Variants in MLXIPL observed in about 807,000 individuals in gnomAD.
MLXIPL encodes the protein carbohydrate-responsive element-binding protein.
Under a neutral mutation model 81.5 loss-of-function variants are expected in MLXIPL, and 49 were observed. The ratio of observed to expected loss-of-function variants is 0.60; its 90% CI spans 0.48 to 0.76. The LOEUF (loss-of-function observed/expected upper bound fraction) is 0.76, where lower values mean the gene tolerates loss of function less well. MLXIPL is among the 30% of genes least tolerant of loss of function. The pLI, the probability that MLXIPL is intolerant of heterozygous loss-of-function variation, is 0.00. For missense variants in MLXIPL, 1,053 were observed against 1,167.0 expected (o/e 0.90, Z 1.42); for synonymous variants, 466 against 485.5 (o/e 0.96, Z 0.53).
At chr7:73,621,679 A>ATCTCCCTCCCTCCCTCCC (rs1554602166) in intron 1 of MLXIPL, among the ~76,000 whole-genome samples, 11 of 114,838 alleles carry the variant, frequency 9.6e-5, no homozygotes, top group Admixed American at 1.7e-4. Flanking sequence ...ATCTCCCTCC[A>ATCTCCCTCCCTCCCTCCC]TCTCCCTCCC....
the MLXIPL span, among the ~76,000 whole-genome samples, chr7:73,630,901 A>G: frequency 6.6e-6 from 1 of 152,216 alleles, no homozygotes; most frequent in East Asian, 1.9e-4. Flanking sequence ...CCAAAACACA[A>G]GACTATTCGT....
intron 1 of MLXIPL, among the ~76,000 whole-genome samples, chr7:73,622,319 C>T (rs1233455852): frequency 6.6e-6 from 1 of 151,862 alleles, no homozygotes; most frequent in Non-Finnish European, 1.5e-5. Context: ...GGTGAAATCT[C>T]GTCTCTACTA....
intron 1 of MLXIPL, among the ~76,000 whole-genome samples, chr7:73,616,861 A>AG (rs1256384634): frequency 6.6e-6 from 1 of 151,718 alleles, no homozygotes; most frequent in African/African-American, 2.4e-5. Flanking sequence ...AAAAAAAAAA[A>AG]AAAAAAAAAG....
At position 73,596,696 on chromosome 7, in the gene MLXIPL, G is replaced by A. The variant is rs1794341644; in HGVS notation, c.1765C>T (p.Pro589Ser). 13 of 1,589,204 alleles carry A rather than the reference G, an allele frequency of 8.2e-6. No homozygotes were observed. The highest frequency in any genetic ancestry group is 1.3e-5 in the African/African-American group (1 of 74,688). Residue 589 changes from proline (P) to serine (S), a missense_variant, in exon 11 of 17, where the codon CCT (proline) becomes TCT (serine). Transcript: ENST00000313375. This position sits in a 1 kb window ranked among gnomAD's most constrained non-coding sequence, Gnocchi z 4.7. ...RPPPGPATLA[P>S]SRPLLVPKAE... ...TTGGGGACAAGCAGGGGCCTGGAAG[G>A]GGCCAATGTGGCCGGGCCTGGAGGT...
rs1554592729 is a variant in MLXIPL, at chr7:73,593,933, C to T, written c.2491G>A (p.Asp831Asn). ...QLGTSTSILT[D>N]PGRIPEQATR... ...GCTTGCTCAGGGATGCGGCCCGGGT[C>T]GGTCAGGATACTGGTAGATGTGCCC... is the stretch of plus-strand genomic sequence containing the variant. The change falls in exon 17 of 17, where the codon GAC becomes AAC. Residue 831 changes from aspartate (D) to asparagine (N), a missense_variant. By Grantham distance (23) the Asp-to-Asn change is conservative (BLOSUM62 1). Around this residue, in one of 3 missense-constraint regions of MLXIPL, gnomAD observed 823 missense variants for 933.0 expected, o/e 0.88. Coordinates refer to ENST00000313375, the MANE Select transcript of MLXIPL (RefSeq NM_032951.3). The T allele has an allele frequency of 2.7e-5, 43 of 1,613,936 alleles. No homozygotes were observed. Among genetic ancestry groups the T allele is most frequent in the African/African-American group, 5.3e-5 (4 of 74,886 alleles).
Position 73,623,255 on chromosome 7 carries a change from C to A in MLXIPL, c.293+945G>T, listed in dbSNP as rs1284617047. Among the ~76,000 whole-genome samples, 1 of 152,222 alleles carries A rather than the reference C, an allele frequency of 6.6e-6. No homozygotes were observed. The highest frequency in any genetic ancestry group is 1.5e-5 in the Non-Finnish European group (1 of 68,040). On this transcript the variant is annotated intron_variant, in intron 1 of 16. Transcript: ENST00000313375. The surrounding 1 kb of genome is among the most constrained non-coding windows in gnomAD (Gnocchi z 5.7). ...CGGTTCTCAGAAGGGGAGGAGGCGC[C>A]GCGGAGGAAGAGGAATATTTGCACA...
chr7:73,643,315 CCAGCCTGACTAA>C, the MLXIPL span, among the ~76,000 whole-genome samples: 22 of 152,100 alleles, frequency 1.4e-4, no homozygotes, highest in African/African-American at 4.8e-4. Context: ...GAGATCGAGA[CCAGCCTGACTAA>C]CACAGTGAAA....
At chr7:73,602,665 G>A (rs1794976117) in intron 7 of MLXIPL, among the ~76,000 whole-genome samples, 2 of 151,944 alleles carry the variant, frequency 1.3e-5, no homozygotes, top group Non-Finnish European at 1.5e-5. Context: ...GGGCAACAGA[G>A]CAAGATTCCA....
chr7:73,628,211 T>C (rs1157044867), upstream of MLXIPL, among the ~76,000 whole-genome samples: 2 of 151,992 alleles, frequency 1.3e-5, no homozygotes, highest in Non-Finnish European at 2.9e-5. Flanking sequence ...GCTCTCCCCA[T>C]GCTCTGAAAA....
At chr7:73,637,825 C>T in the MLXIPL span, among the ~76,000 whole-genome samples, 2 of 152,172 alleles carry the variant, frequency 1.3e-5, no homozygotes, top group Non-Finnish European at 2.9e-5. Flanking sequence ...GAATGTCAGG[C>T]AGGGTGAGAG....
intron 1 of MLXIPL, among the ~76,000 whole-genome samples, chr7:73,617,210 G>A (rs1433585225): frequency 6.6e-6 from 1 of 151,996 alleles, no homozygotes; most frequent in Non-Finnish European, 1.5e-5. Flanking sequence ...GTAAAGACGG[G>A]GTTTCACCAT....
At chr7:73,627,832 C>T (rs1382832809), upstream of MLXIPL, among the ~76,000 whole-genome samples, 2 of 151,944 alleles carry the variant, frequency 1.3e-5, no homozygotes, top group African/African-American at 2.4e-5. Flanking sequence ...CTCCTGGCTC[C>T]GGGGACCCTG....
chr7:73,617,520 C>T lies in MLXIPL; in HGVS notation c.294-1343G>A, dbSNP rs115462351. On this transcript the variant is annotated intron_variant, in intron 1 of 16. Transcript: ENST00000313375. ...GCAAATGGTATTCATGGAGACAGAG[C>T]ACCCTCACTCTAACCCTAGCTGTCC... is the stretch of plus-strand genomic sequence containing the variant. Among the ~76,000 whole-genome samples, 335 of 152,208 alleles carry T rather than the reference C, an allele frequency of 2.2e-3. 1 individual carries two copies. Among genetic ancestry groups the T allele is most frequent in the African/African-American group, 7.7e-3 (322 of 41,572 alleles).
upstream of MLXIPL, among the ~76,000 whole-genome samples, chr7:73,628,164 AGTCTCTGCTGGCCGT>A (rs1238866167): frequency 1.3e-5 from 2 of 151,952 alleles, no homozygotes; most frequent in Non-Finnish European, 2.9e-5. Flanking sequence ...CTTGGCTCCA[AGTCTCTGCTGGCCGT>A]GTCTCCAGAT....
chr7:73,619,988 C>G (rs1554601619), intron 1 of MLXIPL, among the ~76,000 whole-genome samples: 1 of 151,908 alleles, frequency 6.6e-6, no homozygotes, highest in African/African-American at 2.4e-5. Flanking sequence ...ATAGAAAAGT[C>G]TGATGAGGAG....
At chr7:73,635,857 C>G in the MLXIPL span, among the ~76,000 whole-genome samples, 1 of 152,208 alleles carries the variant, frequency 6.6e-6, no homozygotes, top group African/African-American at 2.4e-5. Context: ...CACCCATCTG[C>G]CCACCCAGTA....
At chr7:73,602,558 T>C (rs930659259) in intron 7 of MLXIPL, among the ~76,000 whole-genome samples, 4 of 151,094 alleles carry the variant, frequency 2.6e-5, no homozygotes, top group Non-Finnish European at 4.4e-5. Context: ...CGGGCGCCTG[T>C]AGTCCCAGCT....
At chr7:73,645,410 G>C in the MLXIPL span, among the ~76,000 whole-genome samples, 62 of 152,118 alleles carry the variant, frequency 4.1e-4, no homozygotes, top group Non-Finnish European at 7.9e-4. Flanking sequence ...CCTTGTTGGG[G>C]GCCCCCTTCT....
intron 9 of MLXIPL, 54 bp downstream of exon 9, chr7:73,597,128 C>T: frequency 4.6e-6 from 7 of 1,535,810 alleles, no homozygotes; most frequent in Non-Finnish European, 6.2e-6. Flanking sequence ...CCCTGTCCTC[C>T]CCACCCCCTG....
Sources: gnomAD v4.1 joint callset for allele counts (sites outside exome capture counted in the v4.1 genomes callset) on GRCh38, gnomAD v4.1.1 for gene constraint, gnomAD v4.1.1 regional missense constraint, Gnocchi (gnomAD v3.1) non-coding constraint, MANE v1.5 for transcripts, NCBI Gene and HGNC (gene_info 2026-07-23, HGNC 2026-07-21) for gene names.